Variants in CEP83 observed in about 807,000 individuals in gnomAD.
CEP83 encodes the protein centrosomal protein 83, also known as centrosomal protein of 83 kDa.
A neutral mutation model predicts 101.9 loss-of-function variants in CEP83; 70 were observed. The observed-to-expected ratio is 0.69, with a 90% CI of 0.57 to 0.84. The LOEUF (loss-of-function observed/expected upper bound fraction) is 0.84. Ranked by LOEUF, CEP83 falls within the 40% of genes least tolerant of loss-of-function variation. The probability of loss-of-function intolerance (pLI) is 0.00; values close to 1 mark genes in which losing one functional copy is unlikely to be tolerated. For missense variants in CEP83, 715 were observed against 787.2 expected (o/e 0.91, Z 1.10); for synonymous variants, 264 against 267.9 (o/e 0.99, Z 0.14).
intron 14 of CEP83, among the ~76,000 whole-genome samples, chr12:94,326,174 C>T (rs2058967171): frequency 6.6e-6 from 1 of 152,192 alleles, no homozygotes; most frequent in Non-Finnish European, 1.5e-5. Context: ...ACCACATTGA[C>T]TTGCTGGGAG....
chr12:94,440,571 G>A (rs957800244), intron 1 of CEP83, among the ~76,000 whole-genome samples: 22 of 150,526 alleles, frequency 1.5e-4, no homozygotes, highest in African/African-American at 2.9e-4. Context: ...TATCCCATGC[G>A]CATGGATGGG....
At chr12:94,379,392 C>T (rs1484043096) in intron 6 of CEP83, among the ~76,000 whole-genome samples, 3 of 152,134 alleles carry the variant, frequency 2.0e-5, no homozygotes. Context: ...AAAACTCTGA[C>T]TACTCCAAAG....
rs146366657 is a variant in CEP83 at position 94,444,399 on chromosome 12, C to T, written c.-154-9072G>A. The stretch of plus-strand genomic sequence containing the variant: ...GGCAACAAGAACAAAACTCCAACTC[C>T]GAAAAGAAAAGAAAAGAAATTTCTA... On this transcript the variant is annotated intron_variant, in intron 1 of 16. Coordinates refer to ENST00000397809, the MANE Select transcript of CEP83 (RefSeq NM_016122.3). Among the ~76,000 whole-genome samples, 137 of 151,724 alleles carry T rather than the reference C, an allele frequency of 9.0e-4. 1 individual carries two copies. The highest frequency in any genetic ancestry group is 4.7e-3 in the East Asian group (24 of 5,134).
chr12:94,307,484 T>C (rs1205512956), downstream of CEP83: 1 of 152,234 alleles, frequency 6.6e-6, no homozygotes, highest in African/African-American at 2.4e-5. Context: ...TGCATATTTT[T>C]TTGGTGCAAA....
intron 2 of CEP83, among the ~76,000 whole-genome samples, chr12:94,413,900 T>G (rs944293279): frequency 2.0e-5 from 3 of 151,276 alleles, no homozygotes; most frequent in African/African-American, 7.3e-5. Flanking sequence ...AGAATCTTCC[T>G]TAGCCATGGG....
intron 6 of CEP83, among the ~76,000 whole-genome samples, chr12:94,379,707 G>A (rs1202047393): frequency 6.6e-6 from 1 of 152,044 alleles, no homozygotes; most frequent in Non-Finnish European, 1.5e-5. Context: ...ATCACTGCTG[G>A]ACTTCGTGGG....
chr12:94,435,225 T>C (rs958721170), intron 2 of CEP83, 50 bp downstream of exon 2: 3 of 152,174 alleles, frequency 2.0e-5, no homozygotes, highest in African/African-American at 7.2e-5. Flanking sequence ...ACCCAAAATA[T>C]GGCACCTTGG....
chr12:94,455,919 C>T (rs1221044617), intron 1 of CEP83, among the ~76,000 whole-genome samples: 1 of 151,904 alleles, frequency 6.6e-6, no homozygotes. Context: ...TGGTGGCATG[C>T]ACCTGTTAGC....
At chr12:94,440,746 C>G (rs558378299) in intron 1 of CEP83, among the ~76,000 whole-genome samples, 3 of 152,146 alleles carry the variant, frequency 2.0e-5, no homozygotes, top group African/African-American at 7.2e-5. Context: ...GCACAAAGAA[C>G]AGATCTGGAG....
chr12:94,431,741 C>A (rs1193757627), intron 2 of CEP83, among the ~76,000 whole-genome samples: 1 of 152,142 alleles, frequency 6.6e-6, no homozygotes, highest in Non-Finnish European at 1.5e-5. Flanking sequence ...AGCAACATAT[C>A]ATCTTATCCC....
At chr12:94,426,750 A>G (rs2065231163) in intron 2 of CEP83, among the ~76,000 whole-genome samples, 1 of 152,190 alleles carries the variant, frequency 6.6e-6, no homozygotes, top group African/African-American at 2.4e-5. Flanking sequence ...CAAAACAATC[A>G]CATGTATCCT....
intron 6 of CEP83, among the ~76,000 whole-genome samples, chr12:94,399,313 G>A (rs765243030): frequency 2.4e-4 from 36 of 152,226 alleles, no homozygotes; most frequent in East Asian, 1.5e-3. Flanking sequence ...TTTCTCAGCC[G>A]GCCAACACTT....
At chr12:94,324,296 A>G (rs955843527) in intron 14 of CEP83, among the ~76,000 whole-genome samples, 5 of 152,218 alleles carry the variant, frequency 3.3e-5, no homozygotes, top group African/African-American at 1.2e-4. Context: ...TAAAGATTTC[A>G]TTTCATTAAT....
chr12:94,389,842 C>G (rs1050659437), intron 6 of CEP83, among the ~76,000 whole-genome samples: 1 of 152,244 alleles, frequency 6.6e-6, no homozygotes, highest in Non-Finnish European at 1.5e-5. Context: ...GTGGGTCCCA[C>G]GCCCACGGAG....
chr12:94,271,377 G>A, the CEP83 span, among the ~76,000 whole-genome samples: 1 of 152,334 alleles, frequency 6.6e-6, no homozygotes, highest in Admixed American at 6.5e-5. Flanking sequence ...GAAAAGACCT[G>A]TTCCCCTGCC....
rs576108157 is a variant in CEP83, at chr12:94,441,810, G to T, written c.-154-6483C>A. Among the ~76,000 whole-genome samples the T allele has an allele frequency of 5.9e-5, 9 of 151,540 alleles. No homozygotes were observed. The South Asian group carries it at 8.4e-4, about 14-fold the overall frequency. ...GGCACCTGTAGCCCCAGCTACTCGG[G>T]AGGCTGAGGCAGGAGAATGGTGTGA... On this transcript the variant is annotated intron_variant, in intron 1 of 16. Coordinates refer to ENST00000397809, the MANE Select transcript of CEP83 (RefSeq NM_016122.3).
At chr12:94,281,358 T>G in the CEP83 span, among the ~76,000 whole-genome samples, 1 of 152,044 alleles carries the variant, frequency 6.6e-6, no homozygotes, top group South Asian at 2.1e-4. Context: ...CAGCAGAGAC[T>G]CAAAAACGCA....
chr12:94,370,037 C>A lies in CEP83; in HGVS notation c.934-1G>T. 1 of 1,539,966 alleles carries A rather than the reference C, an allele frequency of 6.5e-7. No individual in the cohort carries two copies. Among genetic ancestry groups the A allele is most frequent in the Non-Finnish European group, 9.0e-7 (1 of 1,115,456 alleles). ...TGTTTGAATGTTTAAGTTCTTTTAC[C>A]TGTTGATAATTAAAAACTGAAATTA... On this transcript the variant is annotated splice_acceptor_variant, in intron 8 of 16. Transcript: ENST00000397809. LOFTEE classifies it high-confidence loss of function.
downstream of CEP83, chr12:94,303,954 C>A (rs375382955): frequency 6.2e-7 from 1 of 1,605,796 alleles, no homozygotes; most frequent in South Asian, 1.1e-5. Flanking sequence ...ATTTCAGAAT[C>A]TCTCAACAAG....
Sources: allele counts gnomAD v4.1 joint callset (sites outside exome capture counted in the v4.1 genomes callset), GRCh38; gene constraint gnomAD v4.1.1; transcripts MANE v1.5; gene names NCBI Gene and HGNC (gene_info 2026-07-23, HGNC 2026-07-21).